The following URB1 variants were observed in gnomAD, a reference collection of about 807,000 sequenced individuals.
URB1 encodes URB1 ribosome biogenesis factor, also known as nucleolar pre-ribosomal-associated protein 1.
In URB1, 197 loss-of-function variants were observed where a neutral mutation model predicts 242.3. That is an observed-to-expected ratio of 0.81 (90% CI 0.72 to 0.91). URB1 has a LOEUF of 0.91. Among genes scored for constraint, URB1 ranks in the 40% least tolerant of loss-of-function variants. The probability of loss-of-function intolerance (pLI) is 0.00; values close to 1 mark genes in which losing one functional copy is unlikely to be tolerated. For missense variants in URB1, 2,721 were observed against 2,860.5 expected (o/e 0.95, Z 1.11); for synonymous variants, 1,153 against 1,201.8 (o/e 0.96, Z 0.84).
intron 21 of URB1, among the ~76,000 whole-genome samples, chr21:32,348,757 T>C (rs943482726): frequency 6.6e-6 from 1 of 152,054 alleles, no homozygotes; most frequent in East Asian, 1.9e-4. Context: ...CCCAAGAAAA[T>C]ACCTCCCAGA....
At chr21:32,350,627 G>A in intron 20 of URB1, 77 bp downstream of exon 20, 1 of 1,482,332 alleles carries the variant, frequency 6.7e-7, no homozygotes, top group Non-Finnish European at 9.1e-7. Context: ...GTGCTGGGCT[G>A]TGGGCCCGAC....
chr21:32,364,406 A>G (rs1224630073), intron 10 of URB1, among the ~76,000 whole-genome samples: 1 of 152,178 alleles, frequency 6.6e-6, no homozygotes, highest in Non-Finnish European at 1.5e-5. Context: ...GAGATCTGAA[A>G]AGCCCTGGCT....
chr21:32,388,170 C>T (rs1175971360), intron 1 of URB1, among the ~76,000 whole-genome samples: 1 of 152,210 alleles, frequency 6.6e-6, no homozygotes, highest in Admixed American at 6.5e-5. Context: ...GGGCACAAAT[C>T]CCCGCTCAGT....
chr21:32,347,758 C>A lies in URB1; in HGVS notation c.3066G>T (p.Trp1022Cys). 2 of 1,549,028 alleles carry A rather than the reference C, an allele frequency of 1.3e-6. No homozygotes were observed. Among genetic ancestry groups the A allele is most frequent in the South Asian group, 2.4e-5 (2 of 84,048 alleles). ...GGGCCTGCTGCTCCAGGGCCAGGAA[C>A]CAGCCCTCCAGGGTGGGGTGCCTGA... Reference protein sequence around the residue: ...AILRHPTLEGWFLALEQQALP... With the variant: ...AILRHPTLEGCFLALEQQALP... Residue 1022 changes from tryptophan (W) to cysteine (C), a missense_variant, in exon 22 of 39, where the codon TGG becomes TGT. Coordinates refer to ENST00000382751, the MANE Select transcript of URB1 (RefSeq NM_014825.3).
rs563530156 is a variant in URB1 at position 32,359,655 on chromosome 21, G to A, written c.1869+141C>T. On this transcript the variant is annotated intron_variant, in intron 14 of 38. Coordinates refer to ENST00000382751, the MANE Select transcript of URB1 (RefSeq NM_014825.3). ...GTTCATGAATCAGGACCTCTGCTGT[G>A]GGTCTCTCTAAAATGAGAACTGTTA... 8.8e-6 allele frequency: 6 copies of A among 683,944 alleles called. No homozygotes were observed. The African/African-American group carries it at 9.3e-5, about 11-fold the overall frequency. 42.4% of individuals were successfully genotyped at this position (683,944 alleles called of 1,614,324 possible).
Position 32,368,450 on chromosome 21 carries a change from G to T in URB1, c.1150C>A (p.Pro384Thr). Residue 384 changes from proline (P) to threonine (T), a missense_variant, in exon 9 of 39, where the codon CCA (proline) becomes ACA (threonine). Coordinates refer to ENST00000382751, the MANE Select transcript of URB1 (RefSeq NM_014825.3). ...TTTAACCAAGTAGACTTCGCTCGTG[G>T]GATAAAGGAAAACGTTACTTCCTTG... ...YFKEVTFSFI[P>T]RAKSTWLNNI... 6.4e-7 allele frequency: 1 copy of T among 1,550,920 alleles called. No individual in the cohort carries two copies. Among genetic ancestry groups the T allele is most frequent in the Non-Finnish European group, 8.7e-7 (1 of 1,146,736 alleles).
rs796461520 is a variant in URB1, at chr21:32,390,469, G to GT, written c.142+2299dup. ...TATCCTTTGCCCACTTTTTGATGGGGTTTTTTTTTTTCTTGTAAATTTGTT... is the reference window on the plus strand; with the variant it reads ...TATCCTTTGCCCACTTTTTGATGGGGTTTTTTTTTTTTCTTGTAAATTTGTT... On this transcript the variant is annotated intron_variant, in intron 1 of 38. Coordinates refer to ENST00000382751, the MANE Select transcript of URB1 (RefSeq NM_014825.3). Among the ~76,000 whole-genome samples the GT allele has an allele frequency of 4.2e-3, 625 of 147,560 alleles. 4 individuals carry two copies. The highest frequency in any genetic ancestry group is 0.013 in the African/African-American group (508 of 40,492).
At position 32,338,892 on chromosome 21, in the gene URB1, T is replaced by C. The variant is rs754858710; in HGVS notation, c.4325A>G (p.Tyr1442Cys). 4 of 1,536,212 alleles carry C rather than the reference T, an allele frequency of 2.6e-6. No individual in the cohort carries two copies. The South Asian group carries it at 4.8e-5, about 18-fold the overall frequency. ...KFVKKGLKFRYQDHTFLKMLL... is the reference protein window; with the variant it reads ...KFVKKGLKFRCQDHTFLKMLL... ...CATCTTTAAAAATGTGTGGTCCTGG[T>C]ACCGAAATCTAGGCGGCGAGAGTCA... The change falls in exon 26 of 39, where the codon TAC becomes TGC. Residue 1442 changes from tyrosine (Y) to cysteine (C), a missense_variant. Coordinates refer to ENST00000382751, the MANE Select transcript of URB1 (RefSeq NM_014825.3).
chr21:32,370,385 G>A (rs918868613), intron 8 of URB1, among the ~76,000 whole-genome samples: 1 of 152,088 alleles, frequency 6.6e-6, no homozygotes, highest in Admixed American at 6.5e-5. Flanking sequence ...ATATGAAAAT[G>A]TCATGAACAA....
intron 31 of URB1, 63 bp from the exon 32 acceptor site, chr21:32,324,665 C>T (rs1474822020): frequency 2.3e-6 from 3 of 1,307,848 alleles, no homozygotes; most frequent in African/African-American, 2.9e-5. Flanking sequence ...GGTCAGTCCT[C>T]TCTGGTGCAG....
At chr21:32,326,012 T>C (rs1172733958) in intron 30 of URB1, among the ~76,000 whole-genome samples, 1 of 152,106 alleles carries the variant, frequency 6.6e-6, no homozygotes, top group Non-Finnish European at 1.5e-5. Flanking sequence ...CCATTTGCCA[T>C]TTGTGAGGCC....
intron 8 of URB1, among the ~76,000 whole-genome samples, chr21:32,370,303 A>T (rs2033393034): frequency 6.6e-6 from 1 of 152,122 alleles, no homozygotes; most frequent in Non-Finnish European, 1.5e-5. Context: ...TTTTTTAAAA[A>T]CCAAATTAGA....
intron 22 of URB1, among the ~76,000 whole-genome samples, chr21:32,346,300 T>C (rs1378406063): frequency 6.6e-6 from 1 of 152,190 alleles, no homozygotes; most frequent in Non-Finnish European, 1.5e-5. Context: ...CCTCTTTTCT[T>C]TATAAATCAC....
rs2033101047 is a variant in URB1, at chr21:32,347,261, A to T, written c.3563T>A (p.Leu1188Gln). 1 of 1,550,940 alleles carries T rather than the reference A, an allele frequency of 6.4e-7. No homozygotes were observed. The highest frequency in any genetic ancestry group is 1.4e-5 in the African/African-American group (1 of 73,192). ...SEYVRGLGAL[L>Q]PTLAVDELDT... Reference sequence around the variant, plus strand: ...CAGCTCGTCCACTGCTAGCGTGGGCAGCAGAGCCCCCAGGCCTCTCACATA... The same window carrying T: ...CAGCTCGTCCACTGCTAGCGTGGGCTGCAGAGCCCCCAGGCCTCTCACATA... The change falls in exon 22 of 39, where the codon CTG (leucine) becomes CAG (glutamine). Residue 1188 changes from leucine (L) to glutamine (Q), a missense_variant. Transcript: ENST00000382751.
At chr21:32,383,611 G>A (rs534754561) in intron 3 of URB1, 57 bp from the exon 4 acceptor site, 15 of 1,466,478 alleles carry the variant, frequency 1.0e-5, no homozygotes, top group South Asian at 2.7e-5. Context: ...GCACAGAGCC[G>A]CCTCACCACA....
chr21:32,388,515 C>T (rs1299368105), intron 1 of URB1, among the ~76,000 whole-genome samples: 1 of 152,224 alleles, frequency 6.6e-6, no homozygotes, highest in African/African-American at 2.4e-5. Flanking sequence ...AGTGCATCTG[C>T]TATGCCAGGC....
Position 32,315,105 on chromosome 21 carries a change from C to A in URB1, c.6635-6G>T. 1 of 1,515,090 alleles carries A rather than the reference C, an allele frequency of 6.6e-7. No individual in the cohort carries two copies. The highest frequency in any genetic ancestry group is 8.9e-7 in the Non-Finnish European group (1 of 1,123,674). The allele number at this position is 1,515,090 out of a possible 1,614,324, so 93.9% of individuals were successfully genotyped here. ...CACTAGGAATGCTGCGGAGGCTGAA[C>A]AAGAGCAGGGGATAGGCCATTAGGA... is the stretch of plus-strand genomic sequence containing the variant. On this transcript the variant is annotated splice_polypyrimidine_tract_variant and splice_region_variant and intron_variant, in intron 38 of 38. Transcript: ENST00000382751.
chr21:32,383,504 G>A lies in URB1; in HGVS notation c.485C>T (p.Pro162Leu), dbSNP rs377669608. Residue 162 changes from proline (P) to leucine (L), a missense_variant, in exon 4 of 39, where the codon CCG becomes CTG. Coordinates refer to ENST00000382751, the MANE Select transcript of URB1 (RefSeq NM_014825.3). ...SLMTAMVTQG[P>L]EAARDVCSHF... ...GCTGCAGACGTCCCTGGCAGCTTCC[G>A]GACCCTGGGTCACCATGGCGGTCAT... 51 of 1,551,408 alleles carry A rather than the reference G, an allele frequency of 3.3e-5. No individual in the cohort carries two copies. Among genetic ancestry groups the A allele is most frequent in the East Asian group, 2.2e-4 (9 of 40,904 alleles).
At chr21:32,386,701 G>A (rs143598118) in intron 1 of URB1, among the ~76,000 whole-genome samples, 11 of 152,256 alleles carry the variant, frequency 7.2e-5, no homozygotes, top group African/African-American at 2.6e-4. Context: ...TATAGAGCAT[G>A]GTAACGAAAC....
Sources: gnomAD v4.1 joint callset for allele counts (sites outside exome capture counted in the v4.1 genomes callset) on GRCh38, gnomAD v4.1.1 for gene constraint, MANE v1.5 for transcripts, NCBI Gene and HGNC (gene_info 2026-07-23, HGNC 2026-07-21) for gene names.